Variants in KANSL1 observed in about 807,000 individuals in gnomAD.
KANSL1 encodes the protein MLL1/MLL complex subunit KANSL1.
KANSL1 carries 22 observed loss-of-function variants against 103.6 expected under a neutral mutation model. The ratio of observed to expected loss-of-function variants is 0.21; its 90% CI spans 0.15 to 0.30. The LOEUF is 0.30. Ranked by LOEUF, KANSL1 falls within the 10% of genes least tolerant of loss-of-function variation. KANSL1 has a pLI of 1.00. For synonymous variants in KANSL1, 600 were observed against 527.6 expected (o/e 1.14, Z -1.88); for missense variants, 1,337 against 1,399.8 (o/e 0.96, Z 0.72).
rs780318558 is a variant in KANSL1, at chr17:46,171,881, G to T, written c.263C>A (p.Thr88Lys). 1 of 1,614,264 alleles carries T rather than the reference G, an allele frequency of 6.2e-7. No homozygotes were observed. The highest frequency in any genetic ancestry group is 1.1e-5 in the South Asian group (1 of 91,090). ...CAAAGACTCCTTTGAGGGAACAGAT[G>T]TTACATCAGAGCAGAGATAAGATGC... Reference protein sequence around the residue: ...LVASYLCSDVTSVPSKESLKL... With the variant: ...LVASYLCSDVKSVPSKESLKL... Residue 88 changes from threonine (T) to lysine (K), a missense_variant, in exon 2 of 15, where the codon ACA becomes AAA. Thr to Lys is a moderately conservative substitution (Grantham distance 78, BLOSUM62 -1). This residue lies in a region of KANSL1 where 557 missense variants were observed against 476.4 expected (regional missense o/e 1.17). Transcript: ENST00000432791.
chr17:46,070,697 T>G (rs756694141), intron 4 of KANSL1, among the ~76,000 whole-genome samples: 2 of 152,156 alleles, frequency 1.3e-5, no homozygotes, highest in Admixed American at 6.5e-5. Flanking sequence ...AAAATGCTGT[T>G]TGTTTTTATT....
At position 46,143,563 on chromosome 17, in the gene KANSL1, G is replaced by T. The variant is rs1339096671; in HGVS notation, c.1289+27292C>A. On this transcript the variant is annotated intron_variant, in intron 2 of 14. Transcript: ENST00000432791. The stretch of plus-strand genomic sequence containing the variant: ...CTCACGCCTGTAATCCCAGCACTTT[G>T]GGAGGCCGAGACGGGTAGATCACGA... Among the ~76,000 whole-genome samples the T allele has an allele frequency of 4.6e-5, 7 of 152,258 alleles. No individual in the cohort carries two copies. In the South Asian group the frequency reaches 8.3e-4, roughly 18 times the overall value.
At chr17:46,057,735 G>A (rs1275636428) in intron 6 of KANSL1, among the ~76,000 whole-genome samples, 2 of 152,220 alleles carry the variant, frequency 1.3e-5, no homozygotes, top group African/African-American at 2.4e-5. Flanking sequence ...ATGGAAGGAT[G>A]ATTGTATGCT....
At chr17:46,224,132 C>A (rs1315445711), upstream of KANSL1, among the ~76,000 whole-genome samples, 2 of 152,250 alleles carry the variant, frequency 1.3e-5, no homozygotes, top group Admixed American at 6.5e-5. Context: ...AACTAACCGT[C>A]TAAAGAAAGA....
At chr17:46,116,521 C>G (rs576021551) in intron 2 of KANSL1, among the ~76,000 whole-genome samples, 1 of 151,464 alleles carries the variant, frequency 6.6e-6, no homozygotes, top group Non-Finnish European at 1.5e-5. Context: ...CAGAGCGCGA[C>G]TCCGTCTCAA....
At chr17:46,205,457 G>A (rs1376599858) in intron 1 of KANSL1, among the ~76,000 whole-genome samples, 5 of 151,846 alleles carry the variant, frequency 3.3e-5, no homozygotes, top group Admixed American at 6.6e-5. Flanking sequence ...CGAGGCAGGC[G>A]GATCACTTGA....
chr17:46,201,636 C>G (rs1450468398), intron 1 of KANSL1, among the ~76,000 whole-genome samples: 2 of 151,876 alleles, frequency 1.3e-5, no homozygotes, highest in African/African-American at 4.8e-5. Context: ...CTTTGGGAGA[C>G]CAAGATGGGA....
At chr17:46,102,130 TA>T (rs1447238411) in intron 2 of KANSL1, among the ~76,000 whole-genome samples, 6 of 152,200 alleles carry the variant, frequency 3.9e-5, no homozygotes, top group African/African-American at 1.4e-4. Flanking sequence ...AGTTGTAAAG[TA>T]AAACCCAGGA....
At chr17:46,161,470 A>T (rs896510004) in intron 2 of KANSL1, among the ~76,000 whole-genome samples, 1 of 151,954 alleles carries the variant, frequency 6.6e-6, no homozygotes, top group Non-Finnish European at 1.5e-5. Context: ...AGCTCACCCA[A>T]ATCAGTTCGG....
intron 3 of KANSL1, among the ~76,000 whole-genome samples, chr17:46,091,964 C>G (rs1438588008): frequency 6.6e-6 from 1 of 152,084 alleles, no homozygotes; most frequent in Admixed American, 6.5e-5. Context: ...TTACAGGCAC[C>G]CGCCACCACA....
chr17:46,205,414 G>A (rs1010990963), intron 1 of KANSL1, among the ~76,000 whole-genome samples: 2 of 151,990 alleles, frequency 1.3e-5, no homozygotes, highest in African/African-American at 4.8e-5. Context: ...AAGCACGATG[G>A]CTCACACCTG....
chr17:46,108,795 A>C (rs1447194593), intron 2 of KANSL1, among the ~76,000 whole-genome samples: 6 of 152,186 alleles, frequency 3.9e-5, no homozygotes, highest in African/African-American at 1.2e-4. Flanking sequence ...AACAGACCTC[A>C]TAAAACTAAC....
intron 4 of KANSL1, among the ~76,000 whole-genome samples, chr17:46,068,701 A>G (rs1238942513): frequency 6.6e-6 from 1 of 152,220 alleles, no homozygotes; most frequent in Non-Finnish European, 1.5e-5. Flanking sequence ...TTCAAATCAA[A>G]TATGTTTAGA....
intron 3 of KANSL1, among the ~76,000 whole-genome samples, chr17:46,089,884 T>C (rs2079316559): frequency 6.6e-6 from 1 of 152,184 alleles, no homozygotes; most frequent in African/African-American, 2.4e-5. Context: ...CTATTAATTA[T>C]AGTGTTACAT....
intron 6 of KANSL1, among the ~76,000 whole-genome samples, chr17:46,054,385 C>A (rs983222622): frequency 1.3e-5 from 2 of 151,050 alleles, no homozygotes; most frequent in African/African-American, 4.9e-5. Flanking sequence ...CAGAATCCAA[C>A]CACTTCATAC....
chr17:46,039,165 C>G lies in KANSL1; in HGVS notation c.2254G>C (p.Asp752His), dbSNP rs1237821111. ...ACCATGGGCACGGCCCCCACATCGT[C>G]TAAGTGCTGCCTGTGGGTCCTGTCA... ...RPDRTHRQHL[D>H]DVGAVPMVER... Residue 752 changes from aspartate to histidine, a missense_variant, in exon 9 of 15, where the codon GAC (aspartate) becomes CAC (histidine). Transcript: ENST00000432791. 1 of 1,609,190 alleles carries G rather than the reference C, an allele frequency of 6.2e-7. No homozygotes were observed. The highest frequency in any genetic ancestry group is 8.5e-7 in the Non-Finnish European group (1 of 1,178,504).
At chr17:46,202,922 TA>T (rs796135038) in intron 1 of KANSL1, among the ~76,000 whole-genome samples, 57 of 152,276 alleles carry the variant, frequency 3.7e-4, no homozygotes, top group African/African-American at 1.3e-3. Context: ...AATGAAACTG[TA>T]TCTTCTTTGG....
chr17:46,047,208 T>C (rs1411747661), intron 7 of KANSL1, among the ~76,000 whole-genome samples: 3 of 152,130 alleles, frequency 2.0e-5, no homozygotes, highest in Admixed American at 2.0e-4. Flanking sequence ...ATCTACTGGA[T>C]TTAGGTGGCC....
chr17:46,101,073 CTCCAGGTTAT>C (rs762926041), intron 2 of KANSL1, among the ~76,000 whole-genome samples: 335 of 152,328 alleles, frequency 2.2e-3, no homozygotes, highest in Middle Eastern at 0.014. Context: ...GTTCTGAAAT[CTCCAGGTTAT>C]TTAGATAACT....
Sources: allele counts gnomAD v4.1 joint callset (sites outside exome capture counted in the v4.1 genomes callset), GRCh38; gene constraint gnomAD v4.1.1; regional missense constraint gnomAD v4.1.1; transcripts MANE v1.5; gene names NCBI Gene and HGNC (gene_info 2026-07-23, HGNC 2026-07-21).